The following FANCC variants were observed in gnomAD, a reference collection of about 807,000 sequenced individuals.
FANCC encodes the protein Fanconi anemia group C protein.
A neutral mutation model predicts 71.3 loss-of-function variants in FANCC; 55 were observed. That is an observed-to-expected ratio of 0.77 (90% CI 0.62 to 0.97). The LOEUF (loss-of-function observed/expected upper bound fraction) is 0.97. Ranked by LOEUF, FANCC falls within the 50% of genes least tolerant of loss-of-function variation. The pLI is 0.00. For missense variants in FANCC, 678 were observed against 670.9 expected, an observed-to-expected ratio of 1.01 and a Z score of -0.12; for synonymous variants, 275 against 244.9, an observed-to-expected ratio of 1.12 and a Z score of -1.15.
intron 11 of FANCC, among the ~76,000 whole-genome samples, chr9:95,117,050 C>CT (rs2072475584): frequency 6.6e-6 from 1 of 152,230 alleles, no homozygotes; most frequent in South Asian, 2.1e-4. Flanking sequence ...CCTGTGTTAT[C>CT]TGGAGGCAGA....
chr9:95,263,514 A>C (rs947442133), intron 1 of FANCC, among the ~76,000 whole-genome samples: 6 of 145,878 alleles, frequency 4.1e-5, no homozygotes, highest in African/African-American at 9.9e-5. Flanking sequence ...ATATATATAT[A>C]TATCTATATA....
chr9:95,154,928 AG>A (rs892809449), intron 6 of FANCC, among the ~76,000 whole-genome samples: 2 of 151,924 alleles, frequency 1.3e-5, no homozygotes, highest in African/African-American at 2.4e-5. Flanking sequence ...TATTCATGCT[AG>A]GTGTGGTAGC....
intron 4 of FANCC, among the ~76,000 whole-genome samples, chr9:95,201,128 G>A (rs2135804206): frequency 6.6e-6 from 1 of 152,268 alleles, no homozygotes; most frequent in Admixed American, 6.5e-5. Context: ...TTTCAACAAT[G>A]TAGTATAAAG....
chr9:95,254,572 C>G (rs1831543873), intron 1 of FANCC, among the ~76,000 whole-genome samples: 1 of 152,240 alleles, frequency 6.6e-6, no homozygotes, highest in Admixed American at 6.5e-5. Flanking sequence ...TTCCCATGGT[C>G]TTCGCAACCT....
chr9:95,275,372 G>A (rs745763715), intron 1 of FANCC, among the ~76,000 whole-genome samples: 15 of 152,100 alleles, frequency 9.9e-5, no homozygotes, highest in Non-Finnish European at 1.9e-4. Flanking sequence ...GGTAGAACAC[G>A]GAGGATTTGT....
chr9:95,186,791 T>G (rs1208017696), intron 4 of FANCC, among the ~76,000 whole-genome samples: 2 of 76,608 alleles, frequency 2.6e-5, no homozygotes, highest in African/African-American at 1.5e-4. Context: ...GACTGTTGGA[T>G]TTTTTTTTTT....
chr9:95,126,659 G>A, intron 8 of FANCC, 78 bp from the exon 9 acceptor site: 1 of 1,449,694 alleles, frequency 6.9e-7, no homozygotes. Flanking sequence ...AGCCAAAGGA[G>A]TTACTGGGAA....
chr9:95,296,631 A>C (rs558273613), intron 1 of FANCC, among the ~76,000 whole-genome samples: 1 of 152,346 alleles, frequency 6.6e-6, no homozygotes, highest in African/African-American at 2.4e-5. Flanking sequence ...ATATGAAGAC[A>C]GAAAGTGGAG....
At chr9:95,222,468 GCTAA>G (rs1400626311) in intron 4 of FANCC, among the ~76,000 whole-genome samples, 9 of 152,080 alleles carry the variant, frequency 5.9e-5, no homozygotes, top group Non-Finnish European at 8.8e-5. Flanking sequence ...CAGATCAGTG[GCTAA>G]CTGAGACCAG....
At chr9:95,218,088 C>A (rs985423970) in intron 4 of FANCC, among the ~76,000 whole-genome samples, 1 of 152,124 alleles carries the variant, frequency 6.6e-6, no homozygotes, top group East Asian at 1.9e-4. Context: ...AAATAAGGAA[C>A]CTGCAATTTA....
In FANCC at chr9:95,284,501, GAAA is replaced by G. The variant is rs1833557515; in HGVS notation, c.-79+33022_-79+33024del. ...TGCTTTTCTAGCTGCAAATAACTGG[GAAA>G]AGAGTGTACTTGAGAGCAAGACTCA... On this transcript the variant is annotated intron_variant, in intron 1 of 14. Coordinates refer to ENST00000289081, the MANE Select transcript of FANCC (RefSeq NM_000136.3). 2.0e-5 allele frequency among the ~76,000 whole-genome samples: 3 copies of G among 152,138 alleles called. No individual in the cohort carries two copies. The South Asian group carries it at 6.2e-4, about 31-fold the overall frequency.
At chr9:95,279,565 T>C (rs1833252673) in intron 1 of FANCC, among the ~76,000 whole-genome samples, 1 of 150,334 alleles carries the variant, frequency 6.7e-6, no homozygotes, top group African/African-American at 2.4e-5. Flanking sequence ...GAAACAGAGT[T>C]ACAAAAAAAA....
At chr9:95,313,851 T>C (rs1211106590) in intron 1 of FANCC, among the ~76,000 whole-genome samples, 1 of 152,156 alleles carries the variant, frequency 6.6e-6, no homozygotes, top group Non-Finnish European at 1.5e-5. Flanking sequence ...ACCACAGTCA[T>C]CTCAATAGAT....
At chr9:95,133,837 T>C (rs1340709896) in intron 8 of FANCC, among the ~76,000 whole-genome samples, 1 of 152,246 alleles carries the variant, frequency 6.6e-6, no homozygotes, top group South Asian at 2.1e-4. Flanking sequence ...AGGTAATTTA[T>C]GACCTTGAAT....
At chr9:95,152,907 A>T (rs1830262486) in intron 6 of FANCC, among the ~76,000 whole-genome samples, 1 of 152,094 alleles carries the variant, frequency 6.6e-6, no homozygotes, top group Non-Finnish European at 1.5e-5. Context: ...TACACACTAA[A>T]TACACTAATA....
chr9:95,298,961 C>G (rs779808115), intron 1 of FANCC, among the ~76,000 whole-genome samples: 1 of 152,166 alleles, frequency 6.6e-6, no homozygotes, highest in Non-Finnish European at 1.5e-5. Flanking sequence ...CACAATGATT[C>G]TACTTTTTGG....
At chr9:95,279,865 T>C (rs998446899) in intron 1 of FANCC, among the ~76,000 whole-genome samples, 3 of 150,126 alleles carry the variant, frequency 2.0e-5, no homozygotes, top group African/African-American at 4.9e-5. Context: ...GGAGAATCGC[T>C]TGAACCTGAG....
intron 14 of FANCC, 88 bp downstream of exon 14, chr9:95,106,978 G>A (rs1178443540): frequency 1.5e-6 from 2 of 1,291,572 alleles, no homozygotes; most frequent in East Asian, 4.8e-5. Flanking sequence ...TACACACACT[G>A]TGCAGAGGCC....
Position 95,111,228 on chromosome 9 carries a change from T to C in FANCC, c.1329+235A>G, listed in dbSNP as rs777142502. ...ACCTTGGGGAAGAAGGGTCTTCGTT[T>C]TGCAGGAGAATGGGCTGGCAGCGTC... On this transcript the variant is annotated intron_variant, in intron 13 of 14. Transcript: ENST00000289081. 19 of 1,536,924 alleles carry C rather than the reference T, an allele frequency of 1.2e-5. No homozygotes were observed. In the African/African-American group the frequency reaches 2.6e-4, roughly 21 times the overall value.
Sources: gnomAD v4.1 joint callset for allele counts (sites outside exome capture counted in the v4.1 genomes callset) on GRCh38, gnomAD v4.1.1 for gene constraint, MANE v1.5 for transcripts, NCBI Gene and HGNC (gene_info 2026-07-23, HGNC 2026-07-21) for gene names.